AFG1L: variants seen among roughly 807,000 people sequenced by gnomAD.
AFG1L encodes the protein AFG1-like ATPase.
A neutral mutation model predicts 62.2 loss-of-function variants in AFG1L; 53 were observed. The ratio of observed to expected loss-of-function variants is 0.85; its 90% CI spans 0.68 to 1.07. The LOEUF (loss-of-function observed/expected upper bound fraction) is 1.07, where lower values mean the gene tolerates loss of function less well. Ranked by LOEUF, AFG1L falls within the 50% of genes least tolerant of loss-of-function variation. The probability of loss-of-function intolerance (pLI) is 0.00; values close to 1 mark genes in which losing one functional copy is unlikely to be tolerated. For missense variants in AFG1L, 555 were observed against 590.5 expected (o/e 0.94, Z 0.62); for synonymous variants, 228 against 210.3 (o/e 1.08, Z -0.73).
Position 108,515,225 on chromosome 6 carries a change from A to G in AFG1L, c.1204-4472A>G, listed in dbSNP as rs546360929. On this transcript the variant is annotated intron_variant, in intron 11 of 12. Transcript: ENST00000368977. ...TTTCAGCACCACACCACACCAATCC[A>G]AAATTGACCACATAGTTGGAAGTAA... Among the ~76,000 whole-genome samples, 3 of 152,318 alleles carry G rather than the reference A, an allele frequency of 2.0e-5. No homozygotes were observed. The East Asian group carries it at 5.8e-4, about 29-fold the overall frequency.
intron 6 of AFG1L, among the ~76,000 whole-genome samples, chr6:108,374,402 T>C (rs1289747652): frequency 6.6e-6 from 1 of 152,176 alleles, no homozygotes; most frequent in Non-Finnish European, 1.5e-5. Flanking sequence ...TAGTAATAAA[T>C]TGTTTCCCAA....
chr6:108,378,965 A>ATGCTGC (rs556577854), intron 6 of AFG1L, among the ~76,000 whole-genome samples: 1 of 138,234 alleles, frequency 7.2e-6, no homozygotes, highest in East Asian at 2.1e-4. Flanking sequence ...GAACAGCCCT[A>ATGCTGC]TGCTGCTGCT....
intron 3 of AFG1L, among the ~76,000 whole-genome samples, chr6:108,355,338 G>A (rs573267586): frequency 1.1e-3 from 175 of 152,178 alleles, no homozygotes; most frequent in African/African-American, 4.1e-3. Flanking sequence ...TTTTATTTAT[G>A]CTAGTGTCTT....
Position 108,524,154 on chromosome 6 carries a change from C to G in AFG1L, c.*1729C>G, listed in dbSNP as rs1407000336. ...AAAGAGATTGTTTTAAAAATTGATTCATTTAACTCAGTGAATGAAGTTGAA... is the reference window on the plus strand; with the variant it reads ...AAAGAGATTGTTTTAAAAATTGATTGATTTAACTCAGTGAATGAAGTTGAA... On this transcript the variant is annotated 3_prime_UTR_variant, in exon 13 of 13. Transcript: ENST00000368977. 6.6e-6 allele frequency: 1 copy of G among 152,182 alleles called. No homozygotes were observed. The highest frequency in any genetic ancestry group is 1.9e-4 in the East Asian group (1 of 5,206). 9.4% of individuals were successfully genotyped at this position (152,182 alleles called of 1,614,324 possible). A position where few individuals can be genotyped will look rare whatever the true frequency, so the allele number is the denominator to read the frequency against.
In AFG1L at chr6:108,355,665, A is replaced by T; in HGVS notation, c.427A>T (p.Thr143Ser). The T allele has an allele frequency of 6.3e-7, 1 of 1,598,028 alleles. No individual in the cohort carries two copies. Among genetic ancestry groups the T allele is most frequent in the Non-Finnish European group, 8.5e-7 (1 of 1,173,690 alleles). The change falls in exon 4 of 13, where the codon ACA becomes TCA. Residue 143 changes from threonine (T) to serine (S), a missense_variant. Physicochemically the swap from Thr to Ser is moderately conservative, Grantham distance 58. Coordinates refer to ENST00000368977, the MANE Select transcript of AFG1L (RefSeq NM_145315.5). ...TTTTTATTTTTAAGGTACAGGAAAA[A>T]CAATGGTGATGGACATGTTTTATGC... ...YVYGDVGTGK[T>S]MVMDMFYAYV...
intron 8 of AFG1L, among the ~76,000 whole-genome samples, chr6:108,462,984 T>C (rs1297734017): frequency 6.6e-6 from 1 of 152,194 alleles, no homozygotes; most frequent in African/African-American, 2.4e-5. Context: ...TGTTCATTTT[T>C]AGCTATTAAA....
chr6:108,408,114 T>C (rs1164996654), intron 7 of AFG1L, among the ~76,000 whole-genome samples: 1 of 151,842 alleles, frequency 6.6e-6, no homozygotes, highest in Non-Finnish European at 1.5e-5. Context: ...ATCAGGTTGA[T>C]CTTTTTGAGG....
At chr6:108,494,814 A>G (rs1452934363) in intron 10 of AFG1L, among the ~76,000 whole-genome samples, 2 of 145,826 alleles carry the variant, frequency 1.4e-5, no homozygotes, top group African/African-American at 5.1e-5. Context: ...TCTGTCACCC[A>G]GGCTGGAGTG....
intron 1 of AFG1L, among the ~76,000 whole-genome samples, chr6:108,313,342 T>C (rs1048540563): frequency 2.6e-4 from 39 of 152,164 alleles, no homozygotes; most frequent in Admixed American, 2.0e-3. Context: ...AGGGATAATA[T>C]TAGTACCTAC....
chr6:108,428,566 A>G (rs1770929838), intron 7 of AFG1L, among the ~76,000 whole-genome samples: 1 of 152,246 alleles, frequency 6.6e-6, no homozygotes, highest in African/African-American at 2.4e-5. Context: ...CATTCCCACG[A>G]GCAGTGTATA....
At chr6:108,387,570 T>G (rs546732585) in intron 6 of AFG1L, 1 of 152,462 alleles carries the variant, frequency 6.6e-6, no homozygotes, top group Admixed American at 6.5e-5. Flanking sequence ...TATTGTATGG[T>G]GGCTTGTGGA....
chr6:108,372,604 A>T (rs145245926), intron 6 of AFG1L, among the ~76,000 whole-genome samples: 1 of 152,198 alleles, frequency 6.6e-6, no homozygotes, highest in Non-Finnish European at 1.5e-5. Flanking sequence ...CTGGGATTAC[A>T]GGTGTGACCC....
chr6:108,335,855 A>G (rs1778456379), intron 2 of AFG1L, among the ~76,000 whole-genome samples: 1 of 152,198 alleles, frequency 6.6e-6, no homozygotes, highest in South Asian at 2.1e-4. Flanking sequence ...ATGAGATGTC[A>G]AAAAGTCATT....
intron 8 of AFG1L, among the ~76,000 whole-genome samples, chr6:108,454,833 A>C (rs1772190523): frequency 6.6e-6 from 1 of 151,964 alleles, no homozygotes; most frequent in Non-Finnish European, 1.5e-5. Flanking sequence ...TTGTATTTTT[A>C]GTAGAGCTGG....
At chr6:108,357,535 G>A (rs1156269195) in intron 5 of AFG1L, among the ~76,000 whole-genome samples, 1 of 152,106 alleles carries the variant, frequency 6.6e-6, no homozygotes, top group Non-Finnish European at 1.5e-5. Flanking sequence ...GTCGATGACT[G>A]TACATCTCCC....
intron 6 of AFG1L, among the ~76,000 whole-genome samples, chr6:108,390,418 C>T (rs911716883): frequency 1.3e-5 from 2 of 152,212 alleles, no homozygotes; most frequent in Admixed American, 1.3e-4. Context: ...CGAGGAGCTG[C>T]GTTCCTTTGG....
chr6:108,414,018 C>G (rs1163021621), intron 7 of AFG1L, among the ~76,000 whole-genome samples: 3 of 151,938 alleles, frequency 2.0e-5, no homozygotes, highest in African/African-American at 4.8e-5. Context: ...AATTGATAGA[C>G]CACTAGCAAG....
intron 11 of AFG1L, among the ~76,000 whole-genome samples, chr6:108,511,882 AG>A (rs1163707394): frequency 6.6e-6 from 1 of 152,216 alleles, no homozygotes; most frequent in African/African-American, 2.4e-5. Context: ...GCCTTCAAAG[AG>A]CTTAGATAGC....
intron 7 of AFG1L, among the ~76,000 whole-genome samples, chr6:108,432,772 A>G (rs1193434695): frequency 6.6e-6 from 1 of 152,178 alleles, no homozygotes; most frequent in Non-Finnish European, 1.5e-5. Context: ...ACAAAACAGA[A>G]AAAAATCAGC....
Sources: allele counts gnomAD v4.1 joint callset (sites outside exome capture counted in the v4.1 genomes callset), GRCh38; gene constraint gnomAD v4.1.1; transcripts MANE v1.5; gene names NCBI Gene and HGNC (gene_info 2026-07-23, HGNC 2026-07-21).